The following KLF6 variants were observed in gnomAD, a reference collection of about 807,000 sequenced individuals.
KLF6 encodes the protein KLF transcription factor 6.
For missense variants in KLF6, 233 were observed against 359.8 expected (o/e 0.65, Z 2.85); for synonymous variants, 152 against 147.9 (o/e 1.03, Z -0.20).
chr10:3,781,392 A>G lies in KLF6; in HGVS notation c.676+249T>C. ...GGTGGAGGTTTGGGTGTCCGTGGAG[A>G]AAAGGATCTAGTCTCTTGTTTGTTT... On this transcript the variant is annotated intron_variant, in intron 2 of 3. Coordinates refer to ENST00000497571, the MANE Select transcript of KLF6 (RefSeq NM_001300.6). The surrounding 1 kb of genome is among the most constrained non-coding windows in gnomAD (Gnocchi z 5.8). 1 of 1,467,878 alleles carries G rather than the reference A, an allele frequency of 6.8e-7. No homozygotes were observed. The highest frequency in any genetic ancestry group is 9.0e-7 in the Non-Finnish European group (1 of 1,110,280). The allele number at this position is 1,467,878 out of a possible 1,614,324, so 90.9% of individuals were successfully genotyped here.
In KLF6 at chr10:3,781,352, T is replaced by C; in HGVS notation, c.676+289A>G. ...GGCAGTGGCCTCGGATCCCCAGCAC[T>C]ACTAAGGGGTGGGGGGTGGAGGTTT... On this transcript the variant is annotated intron_variant, in intron 2 of 3. Transcript: ENST00000497571. This position sits in a 1 kb window ranked among gnomAD's most constrained non-coding sequence, Gnocchi z 5.8. 1 of 1,378,424 alleles carries C rather than the reference T, an allele frequency of 7.3e-7. No individual in the cohort carries two copies. The highest frequency in any genetic ancestry group is 9.6e-7 in the Non-Finnish European group (1 of 1,040,818). The allele number at this position is 1,378,424 out of a possible 1,614,324, so 85.4% of individuals were successfully genotyped here.
chr10:3,781,391 G>A lies in KLF6; in HGVS notation c.676+250C>T, dbSNP rs1403382442. ...GGGTGGAGGTTTGGGTGTCCGTGGA[G>A]AAAAGGATCTAGTCTCTTGTTTGTT... On this transcript the variant is annotated intron_variant, in intron 2 of 3. Coordinates refer to ENST00000497571, the MANE Select transcript of KLF6 (RefSeq NM_001300.6). The surrounding 1 kb of genome is among the most constrained non-coding windows in gnomAD (Gnocchi z 5.8). The A allele has an allele frequency of 6.8e-6, 10 of 1,467,852 alleles. No homozygotes were observed. The Admixed American group carries it at 1.2e-4, about 17-fold the overall frequency. 90.9% of individuals were successfully genotyped at this position (1,467,852 alleles called of 1,614,324 possible).
rs1190708777 is a variant in KLF6, at chr10:3,782,840, G to A, written c.103-626C>T. On this transcript the variant is annotated intron_variant, in intron 1 of 3. Transcript: ENST00000497571. This position sits in a 1 kb window ranked among gnomAD's most constrained non-coding sequence, Gnocchi z 4.3. ...ACCCATTTCCTGTGTAGCCCAGACC[G>A]CCTATGTTTTCACAGAATGCCGTTC... Among the ~76,000 whole-genome samples the A allele has an allele frequency of 6.6e-6, 1 of 152,208 alleles. No individual in the cohort carries two copies. Among genetic ancestry groups the A allele is most frequent in the Non-Finnish European group, 1.5e-5 (1 of 68,032 alleles).
Position 3,781,324 on chromosome 10 carries a change from A to C in KLF6, c.676+317T>G. Reference sequence around the variant, plus strand: ...TAGCCTCGTGCGAGTGCACTGGTGAAGGGGCAGTGGCCTCGGATCCCCAGC... The same window carrying C: ...TAGCCTCGTGCGAGTGCACTGGTGACGGGGCAGTGGCCTCGGATCCCCAGC... On this transcript the variant is annotated intron_variant, in intron 2 of 3. Coordinates refer to ENST00000497571, the MANE Select transcript of KLF6 (RefSeq NM_001300.6). The surrounding 1 kb of genome is among the most constrained non-coding windows in gnomAD (Gnocchi z 5.8). 8.8e-7 allele frequency: 1 copy of C among 1,133,472 alleles called. No homozygotes were observed. Among genetic ancestry groups the C allele is most frequent in the Non-Finnish European group, 1.2e-6 (1 of 825,556 alleles). The allele number at this position is 1,133,472 out of a possible 1,614,324, so 70.2% of individuals were successfully genotyped here. A position where few individuals can be genotyped will look rare whatever the true frequency, so the allele number is the denominator to read the frequency against.
In KLF6 at chr10:3,776,695, G is replaced by A; in HGVS notation, c.*2844C>T. ...TTACAAAGATTCTTTAGATAACAGG[G>A]TGCTTCCAAAAAAAAAAAAAAAAGA... On this transcript the variant is annotated 3_prime_UTR_variant, in exon 4 of 4. Transcript: ENST00000497571. 2 of 445,436 alleles carry A rather than the reference G, an allele frequency of 4.5e-6. No individual in the cohort carries two copies. Among genetic ancestry groups the A allele is most frequent in the South Asian group, 1.8e-5 (1 of 54,544 alleles). The allele number at this position is 445,436 out of a possible 1,614,324, so 27.6% of individuals were successfully genotyped here. A position where few individuals can be genotyped will look rare whatever the true frequency, so the allele number is the denominator to read the frequency against.
Position 3,776,753 on chromosome 10 carries a change from A to G in KLF6, c.*2786T>C. 1 of 485,020 alleles carries G rather than the reference A, an allele frequency of 2.1e-6. No homozygotes were observed. The highest frequency in any genetic ancestry group is 2.7e-5 in the Admixed American group (1 of 36,478). The allele number at this position is 485,020 out of a possible 1,614,324, so 30.0% of individuals were successfully genotyped here. A position where few individuals can be genotyped will look rare whatever the true frequency, so the allele number is the denominator to read the frequency against. ...CTAATAGAAATTTTTTTTTAATTTC[A>G]AGCAAAAAGTTTCTGCTTGATTGAG... is the stretch of plus-strand genomic sequence containing the variant. On this transcript the variant is annotated 3_prime_UTR_variant, in exon 4 of 4. Coordinates refer to ENST00000497571, the MANE Select transcript of KLF6 (RefSeq NM_001300.6).
rs1281571517 is a variant in KLF6, at chr10:3,781,438, T to C, written c.676+203A>G. ...TGTTTAATCTGAAAATTGTTACACA[T>C]TTATCCAACTCAAAAGTCCAGTCTT... On this transcript the variant is annotated intron_variant, in intron 2 of 3. Coordinates refer to ENST00000497571, the MANE Select transcript of KLF6 (RefSeq NM_001300.6). The surrounding 1 kb of genome is among the most constrained non-coding windows in gnomAD (Gnocchi z 5.8). The C allele has an allele frequency of 8.5e-6, 13 of 1,524,714 alleles. No individual in the cohort carries two copies. Among genetic ancestry groups the C allele is most frequent in the South Asian group, 1.2e-5 (1 of 81,030 alleles). 94.4% of individuals were successfully genotyped at this position (1,524,714 alleles called of 1,614,324 possible).
intron 1 of KLF6, among the ~76,000 whole-genome samples, chr10:3,784,533 A>C (rs532125066): frequency 1.3e-5 from 2 of 152,240 alleles, no homozygotes; most frequent in Middle Eastern, 6.8e-3. Context: ...AAAAACTGTT[A>C]AGTACAAGCA....
rs1396829426 is a variant in KLF6 at position 3,776,714 on chromosome 10, A to G, written c.*2825T>C. 6.2e-6 allele frequency: 3 copies of G among 482,656 alleles called. No homozygotes were observed. Among genetic ancestry groups the G allele is most frequent in the Middle Eastern group, 6.0e-4 (1 of 1,670 alleles). 29.9% of individuals were successfully genotyped at this position (482,656 alleles called of 1,614,324 possible). A position where few individuals can be genotyped will look rare whatever the true frequency, so the allele number is the denominator to read the frequency against. On this transcript the variant is annotated 3_prime_UTR_variant, in exon 4 of 4. Transcript: ENST00000497571. ...AACAGGGTGCTTCCAAAAAAAAAAA[A>G]AAAAGAAATTTCACTAATAGAAATT...
In KLF6 at chr10:3,777,806, T is replaced by C. The variant is rs757002112; in HGVS notation, c.*1733A>G. 5 of 474,348 alleles carry C rather than the reference T, an allele frequency of 1.1e-5. No homozygotes were observed. The highest frequency in any genetic ancestry group is 6.3e-5 in the South Asian group (4 of 63,100). The allele number at this position is 474,348 out of a possible 1,614,324, so 29.4% of individuals were successfully genotyped here. ...CACATACTGTACACACAAATATACA[T>C]ACACAAGAATTCTGCCCACTTTTTT... On this transcript the variant is annotated 3_prime_UTR_variant, in exon 4 of 4. Coordinates refer to ENST00000497571, the MANE Select transcript of KLF6 (RefSeq NM_001300.6).
At position 3,780,093 on chromosome 10, in the gene KLF6, C is replaced by T. The variant is rs751406212; in HGVS notation, c.800+13G>A. The T allele has an allele frequency of 3.1e-6, 5 of 1,614,134 alleles. No homozygotes were observed. The Admixed American group carries it at 5.0e-5, about 16-fold the overall frequency. ...CCCACGCTCCTTGCCCAGCATTGTC[C>T]TCAGGCACGTACCTGTCACAGTGGG... On this transcript the variant is annotated intron_variant, in intron 3 of 3. Transcript: ENST00000497571. This position sits in a 1 kb window ranked among gnomAD's most constrained non-coding sequence, Gnocchi z 4.6.
rs1475565349 is a variant in KLF6, at chr10:3,779,721, A to C, written c.801-131T>G. 6.2e-6 allele frequency: 5 copies of C among 809,534 alleles called. No homozygotes were observed. The African/African-American group carries it at 6.8e-5, about 11-fold the overall frequency. 50.1% of individuals were successfully genotyped at this position (809,534 alleles called of 1,614,324 possible). On this transcript the variant is annotated intron_variant, in intron 3 of 3. Coordinates refer to ENST00000497571, the MANE Select transcript of KLF6 (RefSeq NM_001300.6). ...AGGGAAAGGTGGGATTCTCCTCCCA[A>C]GCCTCATCAGTGTCTTCAGGGACAG... is the stretch of plus-strand genomic sequence containing the variant.
Position 3,779,347 on chromosome 10 carries a change from C to T in KLF6, c.*192G>A, listed in dbSNP as rs1468388099. 4.4e-6 allele frequency: 3 copies of T among 683,996 alleles called. No individual in the cohort carries two copies. Among genetic ancestry groups the T allele is most frequent in the Non-Finnish European group, 5.3e-6 (2 of 374,334 alleles). The allele number at this position is 683,996 out of a possible 1,614,324, so 42.4% of individuals were successfully genotyped here. Reference sequence around the variant, plus strand: ...GGCGAGTCCAGGGTCACCCACATACCATGCACCACGGGTGCTATGCCGCTT... The same window carrying T: ...GGCGAGTCCAGGGTCACCCACATACTATGCACCACGGGTGCTATGCCGCTT... On this transcript the variant is annotated 3_prime_UTR_variant, in exon 4 of 4. Transcript: ENST00000497571.
At position 3,777,808 on chromosome 10, in the gene KLF6, C is replaced by T. The variant is rs1292969221; in HGVS notation, c.*1731G>A. ...CATACTGTACACACAAATATACATA[C>T]ACAAGAATTCTGCCCACTTTTTTAA... On this transcript the variant is annotated 3_prime_UTR_variant, in exon 4 of 4. Transcript: ENST00000497571. The T allele has an allele frequency of 4.2e-6, 2 of 474,948 alleles. No individual in the cohort carries two copies. The highest frequency in any genetic ancestry group is 5.0e-5 in the East Asian group (1 of 19,948). 29.4% of individuals were successfully genotyped at this position (474,948 alleles called of 1,614,324 possible).
rs536121545 is a variant in KLF6 at position 3,777,106 on chromosome 10, G to C, written c.*2433C>G. The C allele has an allele frequency of 2.0e-6, 1 of 511,332 alleles. No individual in the cohort carries two copies. Among genetic ancestry groups the C allele is most frequent in the Non-Finnish European group, 3.8e-6 (1 of 262,280 alleles). 31.7% of individuals were successfully genotyped at this position (511,332 alleles called of 1,614,324 possible). A position where few individuals can be genotyped will look rare whatever the true frequency, so the allele number is the denominator to read the frequency against. ...AAGTAAAACGAAATGAGTTTCTTAG[G>C]TAAATGTATTCATCAGCCCAGATAA... On this transcript the variant is annotated 3_prime_UTR_variant, in exon 4 of 4. Transcript: ENST00000497571.
Position 3,781,547 on chromosome 10 carries a change from C to CA in KLF6, c.676+93dup. 17 of 1,569,212 alleles carry CA rather than the reference C, an allele frequency of 1.1e-5. No individual in the cohort carries two copies. Among genetic ancestry groups the CA allele is most frequent in the Non-Finnish European group, 1.5e-5 (17 of 1,157,232 alleles). The stretch of plus-strand genomic sequence containing the variant: ...AGTGAGGATTTGTCTGCCCTGACCA[C>CA]ATCCTGTGCAGCCAGGCCCGGCTCC... On this transcript the variant is annotated intron_variant, in intron 2 of 3. Transcript: ENST00000497571. The surrounding 1 kb of genome is among the most constrained non-coding windows in gnomAD (Gnocchi z 5.8).
In KLF6 at chr10:3,778,249, C is replaced by A. The variant is rs1239441063; in HGVS notation, c.*1290G>T. The A allele has an allele frequency of 1.9e-6, 1 of 527,170 alleles. No homozygotes were observed. The highest frequency in any genetic ancestry group is 3.7e-6 in the Non-Finnish European group (1 of 271,904). The allele number at this position is 527,170 out of a possible 1,614,324, so 32.7% of individuals were successfully genotyped here. A position where few individuals can be genotyped will look rare whatever the true frequency, so the allele number is the denominator to read the frequency against. On this transcript the variant is annotated 3_prime_UTR_variant, in exon 4 of 4. Coordinates refer to ENST00000497571, the MANE Select transcript of KLF6 (RefSeq NM_001300.6). Reference sequence around the variant, plus strand: ...CTTAATAAAGCATGCATCGCCCACACCCCTGTATGAGACCCCCACAGAAGG... The same window carrying A: ...CTTAATAAAGCATGCATCGCCCACAACCCTGTATGAGACCCCCACAGAAGG...
Position 3,781,633 on chromosome 10 carries a change from G to C in KLF6, c.676+8C>G. 2 of 1,612,708 alleles carry C rather than the reference G, an allele frequency of 1.2e-6. No individual in the cohort carries two copies. The highest frequency in any genetic ancestry group is 1.7e-6 in the Non-Finnish European group (2 of 1,179,360). ...CGGCCGCCCTCCGGGGCCCGCGTGGGCACTGACCTGTGTGCGTCCGCTGGT... is the reference window on the plus strand; with the variant it reads ...CGGCCGCCCTCCGGGGCCCGCGTGGCCACTGACCTGTGTGCGTCCGCTGGT... On this transcript the variant is annotated splice_region_variant and intron_variant, in intron 2 of 3. Coordinates refer to ENST00000497571, the MANE Select transcript of KLF6 (RefSeq NM_001300.6). The surrounding 1 kb of genome is among the most constrained non-coding windows in gnomAD (Gnocchi z 5.8).
chr10:3,782,069 G>A lies in KLF6; in HGVS notation c.248C>T (p.Ser83Phe). 1 of 1,614,168 alleles carries A rather than the reference G, an allele frequency of 6.2e-7. No individual in the cohort carries two copies. ...GATGAGAGTGTCCTCTGGAGGACTG[G>A]AAGATATCTTCAGTTCGGATTCCTC... ...KKEESELKISSSPPEDTLISP... is the reference protein window; with the variant it reads ...KKEESELKISFSPPEDTLISP... The change falls in exon 2 of 4, where the codon TCC becomes TTC. Residue 83 changes from serine (S) to phenylalanine (F), a missense_variant. Coordinates refer to ENST00000497571, the MANE Select transcript of KLF6 (RefSeq NM_001300.6). This position sits in a 1 kb window ranked among gnomAD's most constrained non-coding sequence, Gnocchi z 4.3.
Sources: allele counts gnomAD v4.1 joint callset (sites outside exome capture counted in the v4.1 genomes callset), GRCh38; gene constraint gnomAD v4.1.1; non-coding constraint Gnocchi (gnomAD v3.1); transcripts MANE v1.5; gene names NCBI Gene and HGNC (gene_info 2026-07-23, HGNC 2026-07-21).